The following MOB1A variants were observed in gnomAD, a reference collection of about 807,000 sequenced individuals.
MOB1A encodes the protein MOB1 Mps One Binder homolog A.
A neutral mutation model predicts 25.1 loss-of-function variants in MOB1A; 10 were observed. The ratio of observed to expected loss-of-function variants is 0.40; its 90% CI spans 0.25 to 0.68. The LOEUF (loss-of-function observed/expected upper bound fraction) is 0.68. MOB1A is among the 30% of genes least tolerant of loss of function. The probability of loss-of-function intolerance (pLI) is 0.40; values close to 1 mark genes in which losing one functional copy is unlikely to be tolerated. For synonymous variants in MOB1A, 81 were observed against 79.5 expected (o/e 1.02, Z -0.10); for missense variants, 177 against 256.3 (o/e 0.69, Z 2.11).
chr2:74,161,809 G>A (rs1692981252), intron 4 of MOB1A, among the ~76,000 whole-genome samples: 1 of 151,962 alleles, frequency 6.6e-6, no homozygotes, highest in Non-Finnish European at 1.5e-5. Flanking sequence ...TTGAAAATTA[G>A]CTGGGCGTGG....
At chr2:74,172,564 A>G in intron 2 of MOB1A, 22 bp downstream of exon 2, 1 of 1,592,516 alleles carries the variant, frequency 6.3e-7, no homozygotes, top group East Asian at 2.2e-5. Context: ...AGAAAACAGC[A>G]AAGTTACATT....
Position 74,154,212 on chromosome 2 carries a change from A to G in MOB1A, c.*2356T>C, listed in dbSNP as rs565258491. 6.6e-6 allele frequency: 1 copy of G among 150,858 alleles called. No individual in the cohort carries two copies. 9.3% of individuals were successfully genotyped at this position (150,858 alleles called of 1,614,324 possible). On this transcript the variant is annotated 3_prime_UTR_variant, in exon 6 of 6. Transcript: ENST00000396049. ...TGTCTCAAAAAAAAAAAAAAAAAAG[A>G]TTGATTTCGTCAAACTGTTATCAAA...
chr2:74,172,623 A>G lies in MOB1A; in HGVS notation c.144T>C (p.Pro48=). The G allele has an allele frequency of 6.2e-7, 1 of 1,613,882 alleles. No homozygotes were observed. The highest frequency in any genetic ancestry group is 8.5e-7 in the Non-Finnish European group (1 of 1,179,818). Residue 48 remains proline (P), a synonymous_variant, in exon 2 of 6, where the codon CCT becomes CCC. Transcript: ENST00000396049. Reference sequence around the variant, plus strand: ...TCCATTCATTGAGATCCTCTCCCTCAGGCAACATAACAGCTTGTCTCAGAT... The same window carrying G: ...TCCATTCATTGAGATCCTCTCCCTCGGGCAACATAACAGCTTGTCTCAGAT... ...SGNLRQAVML[P]EGEDLNEWIA...
At chr2:74,166,984 A>G (rs1462267875) in intron 3 of MOB1A, 30 bp downstream of exon 3, 1 of 1,477,292 alleles carries the variant, frequency 6.8e-7, no homozygotes, top group Admixed American at 1.9e-5. Context: ...AAACTAATCC[A>G]AACACCTATA....
intron 3 of MOB1A, among the ~76,000 whole-genome samples, chr2:74,166,344 T>C (rs1368432936): frequency 1.3e-5 from 2 of 152,154 alleles, no homozygotes; most frequent in African/African-American, 4.8e-5. Flanking sequence ...AACTAAAAAC[T>C]CTTCCAAGAA....
intron 4 of MOB1A, among the ~76,000 whole-genome samples, chr2:74,160,527 C>A (rs796486509): frequency 6.6e-6 from 1 of 151,952 alleles, no homozygotes; most frequent in Non-Finnish European, 1.5e-5. Flanking sequence ...ATGGTGAAAC[C>A]CCATCTCTAC....
chr2:74,163,424 C>T (rs1369518534), intron 4 of MOB1A, among the ~76,000 whole-genome samples: 1 of 152,112 alleles, frequency 6.6e-6, no homozygotes, highest in African/African-American at 2.4e-5. Flanking sequence ...GATGCTTGAG[C>T]CCTGGAGTTC....
chr2:74,172,838 G>T, intron 1 of MOB1A, 86 bp from the exon 2 acceptor site: 1 of 1,361,778 alleles, frequency 7.3e-7, no homozygotes, highest in Non-Finnish European at 1.0e-6. Context: ...ATATAAAGTA[G>T]CCTGTAAAAA....
Position 74,154,765 on chromosome 2 carries a change from C to T in MOB1A, c.*1803G>A, listed in dbSNP as rs934115558. ...TGCTTTCTTGTTCGCAAATGATCAA[C>T]ATGAACATACAGAATGGCTGACATT... On this transcript the variant is annotated 3_prime_UTR_variant, in exon 6 of 6. Transcript: ENST00000396049. The T allele has an allele frequency of 6.6e-6, 1 of 152,160 alleles. No individual in the cohort carries two copies. Among genetic ancestry groups the T allele is most frequent in the Non-Finnish European group, 1.5e-5 (1 of 68,028 alleles). 9.4% of individuals were successfully genotyped at this position (152,160 alleles called of 1,614,324 possible).
chr2:74,156,618 G>T lies in MOB1A; in HGVS notation c.601C>A (p.Leu201Met). 2 of 1,555,346 alleles carry T rather than the reference G, an allele frequency of 1.3e-6. No individual in the cohort carries two copies. Among genetic ancestry groups the T allele is most frequent in the Non-Finnish European group, 1.7e-6 (2 of 1,148,444 alleles). The change falls in exon 6 of 6, where the codon CTG (leucine) becomes ATG (methionine). Residue 201 changes from leucine to methionine, a missense_variant. Physicochemically the swap from Leu to Met is conservative, Grantham distance 15. Coordinates refer to ENST00000396049, the MANE Select transcript of MOB1A (RefSeq NM_018221.5). ...QEFNLIDRRE[L>M]APLQELIEKL... ...TCTATTAATTCTTGAAGAGGTGCCA[G>T]CTCACGCCTATCAATCAGATTAAAC...
rs555733076 is a variant in MOB1A at position 74,178,609 on chromosome 2, C to T, written c.14+52G>A. 246 of 1,339,940 alleles carry T rather than the reference C, an allele frequency of 1.8e-4. No individual in the cohort carries two copies. The African/African-American group carries it at 3.6e-3, about 20-fold the overall frequency. 83.0% of individuals were successfully genotyped at this position (1,339,940 alleles called of 1,614,324 possible). On this transcript the variant is annotated intron_variant, in intron 1 of 5. Coordinates refer to ENST00000396049, the MANE Select transcript of MOB1A (RefSeq NM_018221.5). ...CCTCGCCTCAGGTCCGGGGAGGCCT[C>T]CCCCACAACCTCGGCCCGCAGGCCC... is the stretch of plus-strand genomic sequence containing the variant.
intron 1 of MOB1A, among the ~76,000 whole-genome samples, chr2:74,173,767 G>A (rs1395655130): frequency 9.3e-5 from 14 of 150,228 alleles, no homozygotes; most frequent in South Asian, 6.3e-4. Flanking sequence ...TGGCTAACAC[G>A]GTGAAACCCC....
intron 1 of MOB1A, among the ~76,000 whole-genome samples, chr2:74,176,085 C>A (rs60329890): frequency 3.2e-3 from 92 of 29,016 alleles, no homozygotes; most frequent in African/African-American, 9.2e-3. Flanking sequence ...GCCTCTACTA[C>A]ACACACACAC....
In MOB1A at chr2:74,168,389, G is replaced by A. The variant is rs1693190495; in HGVS notation, c.182-1282C>T. The stretch of plus-strand genomic sequence containing the variant: ...AGTTTCAAAAAATGTTTTAGGCTAG[G>A]TGCAGTGGCTCACGCCTATAATCAC... On this transcript the variant is annotated intron_variant, in intron 2 of 5. Coordinates refer to ENST00000396049, the MANE Select transcript of MOB1A (RefSeq NM_018221.5). Among the ~76,000 whole-genome samples, 2 of 152,306 alleles carry A rather than the reference G, an allele frequency of 1.3e-5. 1 individual carries two copies. Among genetic ancestry groups the A allele is most frequent in the Non-Finnish European group, 2.9e-5 (2 of 68,036 alleles).
At chr2:74,157,893 C>T (rs924799355) in intron 5 of MOB1A, among the ~76,000 whole-genome samples, 1 of 151,846 alleles carries the variant, frequency 6.6e-6, no homozygotes, top group Non-Finnish European at 1.5e-5. Flanking sequence ...TAAAATTACC[C>T]GAAAAAGGCC....
At position 74,165,143 on chromosome 2, in the gene MOB1A, AC is replaced by A. The variant is rs750286048; in HGVS notation, c.409+74del. On this transcript the variant is annotated intron_variant, in intron 4 of 5. Transcript: ENST00000396049. ...GAGACCAACCTGGACAACACAGCAA[AC>A]CCCCCCAACTCTATTTATATTAATA... is the stretch of plus-strand genomic sequence containing the variant. 6.1e-5 allele frequency: 72 copies of A among 1,187,144 alleles called. No homozygotes were observed. In the South Asian group the frequency reaches 6.1e-4, roughly 10 times the overall value. The allele number at this position is 1,187,144 out of a possible 1,614,324, so 73.5% of individuals were successfully genotyped here. A position where few individuals can be genotyped will look rare whatever the true frequency, so the allele number is the denominator to read the frequency against.
intron 4 of MOB1A, among the ~76,000 whole-genome samples, chr2:74,161,085 A>G (rs1692957697): frequency 6.6e-6 from 1 of 152,088 alleles, no homozygotes; most frequent in Non-Finnish European, 1.5e-5. Context: ...AAATAAACCT[A>G]CATTAGTTGG....
chr2:74,176,707 T>C (rs1693482149), intron 1 of MOB1A, among the ~76,000 whole-genome samples: 1 of 147,132 alleles, frequency 6.8e-6, no homozygotes, highest in African/African-American at 2.5e-5. Context: ...GAGCTTACAG[T>C]GAGCCGAGAT....
In MOB1A at chr2:74,152,976, A is replaced by G. The variant is rs1480052451; in HGVS notation, c.*3592T>C. On this transcript the variant is annotated 3_prime_UTR_variant, in exon 6 of 6. Coordinates refer to ENST00000396049, the MANE Select transcript of MOB1A (RefSeq NM_018221.5). Reference sequence around the variant, plus strand: ...ACTATCATCCCCCAAGGCCTTTTACAGTCTGAAATATCAAAATTGAAAGCA... The same window carrying G: ...ACTATCATCCCCCAAGGCCTTTTACGGTCTGAAATATCAAAATTGAAAGCA... The G allele has an allele frequency of 3.3e-5, 5 of 152,366 alleles. No homozygotes were observed. The allele number at this position is 152,366 out of a possible 1,614,324, so 9.4% of individuals were successfully genotyped here. A position where few individuals can be genotyped will look rare whatever the true frequency, so the allele number is the denominator to read the frequency against.
Sources: gnomAD v4.1 joint callset for allele counts (sites outside exome capture counted in the v4.1 genomes callset) on GRCh38, gnomAD v4.1.1 for gene constraint, MANE v1.5 for transcripts, NCBI Gene and HGNC (gene_info 2026-07-23, HGNC 2026-07-21) for gene names.